Variants in PTER observed in about 807,000 individuals in gnomAD.
PTER encodes the protein phosphotriesterase related.
A neutral mutation model predicts 29.6 loss-of-function variants in PTER; 38 were observed. The ratio of observed to expected loss-of-function variants is 1.28; its 90% CI spans 0.99 to 1.68. The LOEUF (loss-of-function observed/expected upper bound fraction) is 1.68. PTER is among the 40% of genes most tolerant of loss of function. The pLI, the probability that PTER is intolerant of heterozygous loss-of-function variation, is 0.00. For synonymous variants in PTER, 172 were observed against 154.5 expected, an observed-to-expected ratio of 1.11 and a Z score of -0.84; for missense variants, 482 against 427.8, an observed-to-expected ratio of 1.13 and a Z score of -1.12.
At position 16,477,258 on chromosome 10, in the gene PTER, C is replaced by CGATAGATGATAGATAGATA. The variant is rs1835304093; in HGVS notation, c.-48-7072_-48-7071insGATAGATAGATAGATAGAT. Among the ~76,000 whole-genome samples the CGATAGATGATAGATAGATA allele has an allele frequency of 2.7e-5, 4 of 148,004 alleles. No individual in the cohort carries two copies. The South Asian group carries it at 8.6e-4, about 32-fold the overall frequency. ...TGAACTGGAAATTCATTCTGTCTTTCGATAGATAGATAGATAGATAGATAG... is the reference window on the plus strand; with the variant it reads ...TGAACTGGAAATTCATTCTGTCTTTCGATAGATGATAGATAGATAGATAGATAGATAGATAGATAGATAG... On this transcript the variant is annotated intron_variant, in intron 1 of 4. Transcript: ENST00000535784.
intron 3 of PTER, among the ~76,000 whole-genome samples, chr10:16,495,710 C>T (rs373727573): frequency 6.6e-6 from 1 of 152,150 alleles, no homozygotes; most frequent in African/African-American, 2.4e-5. Context: ...ACAGGCCCAC[C>T]ACTTGCCCAA....
At chr10:16,444,739 A>G (rs997159958) in intron 1 of PTER, among the ~76,000 whole-genome samples, 1 of 152,174 alleles carries the variant, frequency 6.6e-6, no homozygotes, top group African/African-American at 2.4e-5. Flanking sequence ...GTGAAGGCAC[A>G]GAAGGCCTCA....
downstream of PTER, chr10:16,514,296 A>G (rs994848290): frequency 3.5e-6 from 2 of 563,760 alleles, no homozygotes; most frequent in Non-Finnish European, 6.3e-6. Context: ...CACTAACGAT[A>G]AGGAGTATTT....
chr10:16,502,882 G>T (rs1046926645), intron 3 of PTER, among the ~76,000 whole-genome samples: 15 of 150,814 alleles, frequency 9.9e-5, no homozygotes, highest in African/African-American at 3.7e-4. Context: ...CCAGCTACTC[G>T]GGAGGCTGAA....
intron 1 of PTER, among the ~76,000 whole-genome samples, chr10:16,465,527 T>A (rs1467513357): frequency 6.6e-6 from 1 of 152,010 alleles, no homozygotes; most frequent in African/African-American, 2.4e-5. Flanking sequence ...AGCATAAAGA[T>A]CATTGGTCAC....
intron 3 of PTER, among the ~76,000 whole-genome samples, chr10:16,488,189 G>T (rs550768274): frequency 6.6e-6 from 1 of 152,180 alleles, no homozygotes; most frequent in South Asian, 2.1e-4. Context: ...CACTGATAAA[G>T]TAGAGGCATG....
intron 3 of PTER, among the ~76,000 whole-genome samples, chr10:16,497,642 T>C (rs974209481): frequency 1.3e-5 from 2 of 152,250 alleles, no homozygotes; most frequent in African/African-American, 4.8e-5. Context: ...GTTATCTTGA[T>C]CCTACCCACG....
intron 1 of PTER, among the ~76,000 whole-genome samples, chr10:16,473,509 G>A: frequency 9.7e-6 from 1 of 103,218 alleles, no homozygotes; most frequent in Admixed American, 1.4e-4. Context: ...GATAGAGTGA[G>A]ACTCCATCCG....
At chr10:16,455,412 C>G (rs1834359529) in intron 1 of PTER, among the ~76,000 whole-genome samples, 1 of 152,082 alleles carries the variant, frequency 6.6e-6, no homozygotes, top group African/African-American at 2.4e-5. Flanking sequence ...GACAAATTAA[C>G]AGGTGCAGTG....
intron 1 of PTER, among the ~76,000 whole-genome samples, chr10:16,479,871 C>G (rs116173782): frequency 0.011 from 1,713 of 151,840 alleles, 28 homozygotes; most frequent in African/African-American, 0.04. Context: ...CTCTTCACTT[C>G]ATATTGTCTG....
intron 1 of PTER, among the ~76,000 whole-genome samples, chr10:16,466,740 G>A (rs989138435): frequency 2.6e-5 from 4 of 152,232 alleles, no homozygotes; most frequent in Non-Finnish European, 5.9e-5. Flanking sequence ...ATCTTCAAAG[G>A]ACCTGGGGAG....
chr10:16,484,538 A>T lies in PTER; in HGVS notation c.154A>T (p.Ile52Phe). ...PCQEAISKEP[I>F]VMKNLYWIQK... ...CCAGGAAGCTATTTCCAAAGAACCT[A>T]TCGTGATGAAAAATTTATATTGGAT... Residue 52 changes from isoleucine (I) to phenylalanine (F), a missense_variant, in exon 2 of 5, where the codon ATC becomes TTC. Physicochemically the swap from Ile to Phe is conservative, Grantham distance 21. Coordinates refer to ENST00000535784, the MANE Select transcript of PTER (RefSeq NM_001261836.2). 1 of 1,614,018 alleles carries T rather than the reference A, an allele frequency of 6.2e-7. No individual in the cohort carries two copies.
intron 3 of PTER, 75 bp from the exon 4 acceptor site, chr10:16,504,945 G>T (rs1353399210): frequency 6.6e-7 from 1 of 1,521,526 alleles, no homozygotes; most frequent in Non-Finnish European, 9.0e-7. Flanking sequence ...TACATTGTGT[G>T]CTTAAAACTT....
intron 3 of PTER, among the ~76,000 whole-genome samples, chr10:16,499,055 C>T (rs1236129436): frequency 2.6e-5 from 4 of 152,134 alleles, no homozygotes; most frequent in Non-Finnish European, 5.9e-5. Context: ...TTTAAGAACA[C>T]GGCCTCAACA....
chr10:16,518,936 T>G, the PTER span, among the ~76,000 whole-genome samples: 3 of 152,092 alleles, frequency 2.0e-5, no homozygotes, highest in Non-Finnish European at 4.4e-5. Flanking sequence ...TGCCTATAAC[T>G]GTTTTACTGT....
At chr10:16,450,150 C>T (rs1003172623) in intron 1 of PTER, among the ~76,000 whole-genome samples, 6 of 152,288 alleles carry the variant, frequency 3.9e-5, no homozygotes, top group African/African-American at 7.2e-5. Flanking sequence ...TGGAATGTAG[C>T]GCACCCCCTC....
chr10:16,480,438 T>G (rs1349428244), intron 1 of PTER, among the ~76,000 whole-genome samples: 1 of 152,046 alleles, frequency 6.6e-6, no homozygotes, highest in Non-Finnish European at 1.5e-5. Flanking sequence ...TTAAGTGATC[T>G]GCCTGCCTCA....
At chr10:16,507,261 A>ATG (rs984789747) in intron 4 of PTER, among the ~76,000 whole-genome samples, 1 of 151,010 alleles carries the variant, frequency 6.6e-6, no homozygotes, top group Non-Finnish European at 1.5e-5. Context: ...GTATATATAT[A>ATG]TGTGTGTGTG....
chr10:16,452,724 TCTTCTA>T lies in PTER; in HGVS notation c.-49+15689_-49+15694del, dbSNP rs1221684004. ...TCCTTCCTTTTCCTCTTCCTCTTCT[TCTTCTA>T]CTTCTACTTCTTCCTCATTTATTAT... On this transcript the variant is annotated intron_variant, in intron 1 of 4. Coordinates refer to ENST00000535784, the MANE Select transcript of PTER (RefSeq NM_001261836.2). Among the ~76,000 whole-genome samples the T allele has an allele frequency of 7.8e-4, 118 of 151,900 alleles. 1 individual carries two copies. The East Asian group carries it at 0.022, about 29-fold the overall frequency.
Sources: allele counts gnomAD v4.1 joint callset (sites outside exome capture counted in the v4.1 genomes callset), GRCh38; gene constraint gnomAD v4.1.1; transcripts MANE v1.5; gene names NCBI Gene and HGNC (gene_info 2026-07-23, HGNC 2026-07-21).